FHIT: variants seen among roughly 807,000 people sequenced by gnomAD.
FHIT encodes the protein fragile histidine triad diadenosine triphosphatase, also known as bis(5'-adenosyl)-triphosphatase.
FHIT carries 19 observed loss-of-function variants against 17.9 expected under a neutral mutation model. That is an observed-to-expected ratio of 1.06 (90% CI 0.74 to 1.56). FHIT has a LOEUF of 1.56. Among genes scored for constraint, FHIT ranks in the 40% most tolerant of loss-of-function variants. FHIT has a pLI of 0.00. For synonymous variants in FHIT, 81 were observed against 69.7 expected (o/e 1.16, Z -0.81); for missense variants, 248 against 189.2 (o/e 1.31, Z -1.82).
intron 5 of FHIT, among the ~76,000 whole-genome samples, chr3:60,311,188 C>T (rs180850522): frequency 4.6e-5 from 7 of 151,848 alleles, no homozygotes; most frequent in Non-Finnish European, 1.0e-4. Context: ...TCAAACATTA[C>T]TTTGTCTTTC....
chr3:60,590,633 A>T (rs746142649), intron 4 of FHIT, among the ~76,000 whole-genome samples: 59 of 152,114 alleles, frequency 3.9e-4, no homozygotes, highest in Non-Finnish European at 6.3e-4. Flanking sequence ...ACAAATATTT[A>T]TTTTGCAACT....
chr3:61,188,884 C>T (rs369306139), intron 2 of FHIT, among the ~76,000 whole-genome samples: 100 of 152,132 alleles, frequency 6.6e-4, no homozygotes, highest in South Asian at 4.8e-3. Flanking sequence ...ATTCAACAAC[C>T]CTTCATGCTA....
At chr3:61,007,301 T>C (rs1328343103) in intron 3 of FHIT, among the ~76,000 whole-genome samples, 2 of 152,230 alleles carry the variant, frequency 1.3e-5, no homozygotes, top group Non-Finnish European at 2.9e-5. Context: ...CCAGACACTC[T>C]GCATAACTTA....
chr3:60,322,277 T>C (rs1709468618), intron 5 of FHIT, among the ~76,000 whole-genome samples: 1 of 152,206 alleles, frequency 6.6e-6, no homozygotes, highest in African/African-American at 2.4e-5. Context: ...ATCACATTGG[T>C]TTTATAAATA....
chr3:60,538,759 T>A, intron 4 of FHIT, among the ~76,000 whole-genome samples: 1 of 152,158 alleles, frequency 6.6e-6, no homozygotes, highest in East Asian at 1.9e-4. Context: ...AGAAATTGGA[T>A]CCCTTCCTTA....
chr3:60,028,949 T>C (rs1346486530), intron 5 of FHIT, among the ~76,000 whole-genome samples: 1 of 152,152 alleles, frequency 6.6e-6, no homozygotes, highest in African/African-American at 2.4e-5. Context: ...ATTATGACAA[T>C]CAGCCAAAGC....
At chr3:60,108,401 C>T (rs1342440239) in intron 5 of FHIT, among the ~76,000 whole-genome samples, 1 of 152,162 alleles carries the variant, frequency 6.6e-6, no homozygotes, top group Non-Finnish European at 1.5e-5. Flanking sequence ...TCACTCCCTC[C>T]AGGGGTTCAT....
At chr3:60,573,123 C>A (rs529689567) in intron 4 of FHIT, among the ~76,000 whole-genome samples, 1 of 152,080 alleles carries the variant, frequency 6.6e-6, no homozygotes, top group African/African-American at 2.4e-5. Flanking sequence ...TGGCTTTTTG[C>A]TAGAAAGCCT....
chr3:59,917,624 T>C (rs1705196364), intron 8 of FHIT, among the ~76,000 whole-genome samples: 1 of 152,152 alleles, frequency 6.6e-6, no homozygotes. Context: ...GTTTGGGAGC[T>C]ACAGATAAAT....
chr3:61,153,142 C>CAAAAAAAA (rs372065718), intron 2 of FHIT, among the ~76,000 whole-genome samples: 4 of 78,404 alleles, frequency 5.1e-5, no homozygotes, highest in South Asian at 4.7e-4. Flanking sequence ...GACTCCATCT[C>CAAAAAAAA]AAAAAAAAAA....
intron 1 of FHIT, among the ~76,000 whole-genome samples, chr3:61,212,769 A>T (rs1452676202): frequency 2.0e-5 from 3 of 152,260 alleles, no homozygotes; most frequent in Non-Finnish European, 2.9e-5. Context: ...CGGGTTACCC[A>T]CAAAGGGAAG....
At chr3:60,769,993 T>G (rs1301837443) in intron 4 of FHIT, among the ~76,000 whole-genome samples, 2 of 152,126 alleles carry the variant, frequency 1.3e-5, no homozygotes, top group Non-Finnish European at 2.9e-5. Flanking sequence ...AGGGAGTTAT[T>G]GTGTTGGGAG....
intron 5 of FHIT, among the ~76,000 whole-genome samples, chr3:60,441,800 A>T (rs1255566756): frequency 7.0e-5 from 8 of 114,720 alleles, no homozygotes; most frequent in East Asian, 3.4e-4. Context: ...ATATATATAT[A>T]TATATATATA....
intron 4 of FHIT, among the ~76,000 whole-genome samples, chr3:60,615,421 A>G (rs1352108047): frequency 2.6e-5 from 4 of 152,202 alleles, no homozygotes; most frequent in African/African-American, 7.2e-5. Flanking sequence ...AATACTCTAG[A>G]CTGAAGTTAA....
chr3:60,061,616 A>G (rs1465837076), intron 5 of FHIT, among the ~76,000 whole-genome samples: 5 of 152,246 alleles, frequency 3.3e-5, no homozygotes, highest in African/African-American at 9.6e-5. Context: ...AGATCACAGC[A>G]GGATATTTTT....
chr3:59,927,791 A>C (rs1705748312), intron 7 of FHIT, among the ~76,000 whole-genome samples: 1 of 151,856 alleles, frequency 6.6e-6, no homozygotes, highest in Non-Finnish European at 1.5e-5. Context: ...ACAACAACAA[A>C]AACCCAAAAC....
intron 5 of FHIT, among the ~76,000 whole-genome samples, chr3:60,129,018 C>G (rs752557526): frequency 6.8e-5 from 10 of 147,770 alleles, no homozygotes; most frequent in East Asian, 2.0e-4. Context: ...TTACTCTATA[C>G]TTAATTTTCC....
chr3:60,309,260 A>G (rs1050795268), intron 5 of FHIT, among the ~76,000 whole-genome samples: 2 of 152,122 alleles, frequency 1.3e-5, no homozygotes, highest in Admixed American at 1.3e-4. Flanking sequence ...CACCAAATAC[A>G]TAAAGTGCTG....
chr3:60,425,058 A>T (rs944688716), intron 5 of FHIT, among the ~76,000 whole-genome samples: 6 of 152,124 alleles, frequency 3.9e-5, no homozygotes, highest in Non-Finnish European at 4.4e-5. Flanking sequence ...TAAAAACCAC[A>T]TTAGCTGAAC....
Sources: allele counts gnomAD v4.1 joint callset (sites outside exome capture counted in the v4.1 genomes callset), GRCh38; gene constraint gnomAD v4.1.1; transcripts MANE v1.5; gene names NCBI Gene and HGNC (gene_info 2026-07-23, HGNC 2026-07-21).